The following NUP85 variants were observed in gnomAD, a reference collection of about 807,000 sequenced individuals.
The protein encoded by NUP85 is nucleoporin 85, also known as nuclear pore complex protein Nup85.
Under a neutral mutation model 92.8 loss-of-function variants are expected in NUP85, and 23 were observed. The observed-to-expected ratio is 0.25, with a 90% CI of 0.18 to 0.35. The LOEUF (loss-of-function observed/expected upper bound fraction) is 0.35, where lower values mean the gene tolerates loss of function less well. Among genes scored for constraint, NUP85 ranks in the 10% least tolerant of loss-of-function variants. The probability of loss-of-function intolerance (pLI) is 1.00; values close to 1 mark genes in which losing one functional copy is unlikely to be tolerated. For missense variants in NUP85, 759 were observed against 822.8 expected (o/e 0.92, Z 0.95); for synonymous variants, 314 against 306.9 (o/e 1.02, Z -0.24).
chr17:75,234,904 A>T, intron 17 of NUP85, 116 bp downstream of exon 17: 1 of 1,312,554 alleles, frequency 7.6e-7, no homozygotes, highest in Non-Finnish European at 1.1e-6. Context: ...GTGCGCGTGT[A>T]TTCCCCTTAG....
In NUP85 at chr17:75,225,365, A is replaced by T. The variant is rs540143619; in HGVS notation, c.756A>T (p.Thr252=). Residue 252 remains threonine, a synonymous_variant, in exon 9 of 19, where the codon ACA becomes ACT. Transcript: ENST00000245544. Reference sequence around the variant, plus strand: ...AGCCCGGGAACACCCAGACACTGACAGAGCTGGAGCTGAAGTGGCAGCACT... The same window carrying T: ...AGCCCGGGAACACCCAGACACTGACTGAGCTGGAGCTGAAGTGGCAGCACT... The part of the protein sequence containing the change: ...ILSPGNTQTL[T]ELELKWQHWH... 2 of 1,614,242 alleles carry T rather than the reference A, an allele frequency of 1.2e-6. No homozygotes were observed. Among genetic ancestry groups the T allele is most frequent in the Non-Finnish European group, 1.7e-6 (2 of 1,180,040 alleles).
chr17:75,210,698 G>A (rs988443658), intron 3 of NUP85, among the ~76,000 whole-genome samples: 2 of 152,072 alleles, frequency 1.3e-5, no homozygotes, highest in Non-Finnish European at 2.9e-5. Context: ...AGTGATTATT[G>A]GTTGTTTTTC....
intron 11 of NUP85, among the ~76,000 whole-genome samples, chr17:75,230,806 G>A (rs1042140112): frequency 6.6e-6 from 1 of 152,140 alleles, no homozygotes; most frequent in Non-Finnish European, 1.5e-5. Context: ...TGTAATCTCA[G>A]CTACTGAAGA....
At position 75,215,659 on chromosome 17, in the gene NUP85, ACTGT is replaced by A. The variant is rs2075408115; in HGVS notation, c.406-93_406-90del. Reference sequence around the variant, plus strand: ...GCAGTAACCTTTGGGTTAAGGAATGACTGTCATATGAGTCAAAGTCTGCTTTATC... The same window carrying A: ...GCAGTAACCTTTGGGTTAAGGAATGACATATGAGTCAAAGTCTGCTTTATC... On this transcript the variant is annotated intron_variant, in intron 5 of 18. Transcript: ENST00000245544. 7.2e-6 allele frequency: 8 copies of A among 1,105,276 alleles called. No homozygotes were observed. In the South Asian group the frequency reaches 1.1e-4, roughly 15 times the overall value. 68.5% of individuals were successfully genotyped at this position (1,105,276 alleles called of 1,614,324 possible).
chr17:75,234,629 C>T lies in NUP85; in HGVS notation c.1616-8C>T, dbSNP rs774871258. ...TGCAGGTTACTCAGTGCTCTTGTTT[C>T]GCCATAGGAAAGTATCGCGAGTTCC... On this transcript the variant is annotated splice_polypyrimidine_tract_variant and splice_region_variant and intron_variant, in intron 16 of 18. Transcript: ENST00000245544. The T allele has an allele frequency of 2.8e-5, 45 of 1,613,674 alleles. No homozygotes were observed. The highest frequency in any genetic ancestry group is 3.6e-5 in the Non-Finnish European group (42 of 1,179,598).
At position 75,231,648 on chromosome 17, in the gene NUP85, AC is replaced by A; in HGVS notation, c.1244+14del. 6.2e-7 allele frequency: 1 copy of A among 1,613,664 alleles called. No individual in the cohort carries two copies. Among genetic ancestry groups the A allele is most frequent in the Non-Finnish European group, 8.5e-7 (1 of 1,179,782 alleles). ...TGTTTGCTCATCCCAGGTAGGAAGG[AC>A]CCCATGGGTGTGGGCTATGCGGGTG... On this transcript the variant is annotated intron_variant, in intron 13 of 18. Transcript: ENST00000245544. The surrounding 1 kb of genome is among the most constrained non-coding windows in gnomAD (Gnocchi z 4.6).
intron 11 of NUP85, 23 bp downstream of exon 11, chr17:75,226,180 C>T: frequency 1.3e-6 from 2 of 1,593,322 alleles, no homozygotes; most frequent in South Asian, 1.1e-5. Context: ...CCACCCCCCA[C>T]TGTAACCATT....
At chr17:75,208,488 A>G in intron 1 of NUP85, 39 bp from the exon 2 acceptor site, 1 of 1,099,468 alleles carries the variant, frequency 9.1e-7, no homozygotes. Context: ...AGTAAGAAGA[A>G]CATTTTTCAT....
intron 11 of NUP85, chr17:75,226,594 A>G (rs1168318167): frequency 3.2e-6 from 1 of 315,856 alleles, no homozygotes; most frequent in Non-Finnish European, 6.3e-6. Context: ...TCACATTGGC[A>G]AAACTGGGGT....
At chr17:75,228,931 A>G (rs1271588780) in intron 11 of NUP85, 1 of 985,274 alleles carries the variant, frequency 1.0e-6, no homozygotes, top group East Asian at 1.1e-4. Flanking sequence ...CTTGACTGCT[A>G]ACCCCTTAGC....
At chr17:75,235,483 T>G (rs769692636) in intron 18 of NUP85, 95 bp from the exon 19 acceptor site, 1 of 820,052 alleles carries the variant, frequency 1.2e-6, no homozygotes, top group Non-Finnish European at 2.0e-6. Flanking sequence ...CTATGAATGT[T>G]AAGTGCCCTC....
At chr17:75,206,542 G>A (rs1312502294) in intron 1 of NUP85, among the ~76,000 whole-genome samples, 1 of 152,016 alleles carries the variant, frequency 6.6e-6, no homozygotes, top group Non-Finnish European at 1.5e-5. Flanking sequence ...AGCAGGAGGG[G>A]CAAAAAAGGG....
At chr17:75,223,939 C>T (rs1367641042) in intron 7 of NUP85, among the ~76,000 whole-genome samples, 2 of 152,260 alleles carry the variant, frequency 1.3e-5, no homozygotes, top group Non-Finnish European at 2.9e-5. Flanking sequence ...GATAGTCTTA[C>T]GTGTAGACTC....
Position 75,231,245 on chromosome 17 carries a change from G to T in NUP85, c.1095-95G>T, listed in dbSNP as rs1019559820. Reference sequence around the variant, plus strand: ...TCACGCCCGGCCCCATCTCTTTGAGGGACAGGACATGTGGGGTTTCTTGCT... The same window carrying T: ...TCACGCCCGGCCCCATCTCTTTGAGTGACAGGACATGTGGGGTTTCTTGCT... On this transcript the variant is annotated intron_variant, in intron 11 of 18. Transcript: ENST00000245544. The surrounding 1 kb of genome is among the most constrained non-coding windows in gnomAD (Gnocchi z 4.6). The T allele has an allele frequency of 1.5e-5, 18 of 1,182,188 alleles. No homozygotes were observed. The Admixed American group carries it at 2.9e-4, about 19-fold the overall frequency. The allele number at this position is 1,182,188 out of a possible 1,614,324, so 73.2% of individuals were successfully genotyped here. A position where few individuals can be genotyped will look rare whatever the true frequency, so the allele number is the denominator to read the frequency against.
rs368627626 is a variant in NUP85 at position 75,215,843 on chromosome 17, C to T, written c.475+20C>T. On this transcript the variant is annotated intron_variant, in intron 6 of 18. Coordinates refer to ENST00000245544, the MANE Select transcript of NUP85 (RefSeq NM_024844.5). Reference sequence around the variant, plus strand: ...CCCCAGGTAGGCATGGAATATCTCACCATAATCTCATAGGTGTCCCCTTCC... The same window carrying T: ...CCCCAGGTAGGCATGGAATATCTCATCATAATCTCATAGGTGTCCCCTTCC... 6.2e-7 allele frequency: 1 copy of T among 1,601,554 alleles called. No homozygotes were observed. The highest frequency in any genetic ancestry group is 8.6e-7 in the Non-Finnish European group (1 of 1,168,536).
chr17:75,231,689 G>A lies in NUP85; in HGVS notation c.1244+51G>A, dbSNP rs967064166. 11 of 1,594,940 alleles carry A rather than the reference G, an allele frequency of 6.9e-6. No homozygotes were observed. Among genetic ancestry groups the A allele is most frequent in the Non-Finnish European group, 8.5e-6 (10 of 1,173,978 alleles). On this transcript the variant is annotated intron_variant, in intron 13 of 18. Transcript: ENST00000245544. This position sits in a 1 kb window ranked among gnomAD's most constrained non-coding sequence, Gnocchi z 4.6. ...CTATGCGGGTGCTCTTCAGCATGCG[G>A]GTGCCATTGGAGCTTGGACTGTTCT...
At chr17:75,218,344 C>G (rs745552124) in intron 7 of NUP85, 38 bp downstream of exon 7, 1 of 1,609,832 alleles carries the variant, frequency 6.2e-7, no homozygotes, top group Admixed American at 1.7e-5. Context: ...ACCATGTGTC[C>G]TACTGTCCCT....
At chr17:75,225,950 A>G in intron 10 of NUP85, 101 bp from the exon 11 acceptor site, 1 of 1,591,674 alleles carries the variant, frequency 6.3e-7, no homozygotes, top group Non-Finnish European at 8.6e-7. Flanking sequence ...CCTTAGTGAA[A>G]GAACAAGGCA....
chr17:75,213,603 G>A (rs937304308), intron 5 of NUP85, among the ~76,000 whole-genome samples: 7 of 151,792 alleles, frequency 4.6e-5, no homozygotes, highest in Admixed American at 1.3e-4. Flanking sequence ...TGAATGTTCC[G>A]TTCTTATGGA....
Sources: gnomAD v4.1 joint callset for allele counts (sites outside exome capture counted in the v4.1 genomes callset) on GRCh38, gnomAD v4.1.1 for gene constraint, Gnocchi (gnomAD v3.1) non-coding constraint, MANE v1.5 for transcripts, NCBI Gene and HGNC (gene_info 2026-07-23, HGNC 2026-07-21) for gene names.